Variants in SLCO1A2 observed in about 807,000 individuals in gnomAD.
SLCO1A2 encodes the protein solute carrier organic anion transporter family member 1A2.
SLCO1A2 carries 67 observed loss-of-function variants against 69.0 expected under a neutral mutation model. The ratio of observed to expected loss-of-function variants is 0.97; its 90% CI spans 0.80 to 1.19. The LOEUF (loss-of-function observed/expected upper bound fraction) is 1.19, where lower values mean the gene tolerates loss of function less well. SLCO1A2 is among the 50% of genes most tolerant of loss of function. The pLI is 0.00. For missense variants in SLCO1A2, 787 were observed against 793.7 expected, an observed-to-expected ratio of 0.99 and a Z score of 0.10; for synonymous variants, 260 against 265.9, an observed-to-expected ratio of 0.98 and a Z score of 0.22.
chr12:21,408,453 C>T (rs762687598), intron 1 of SLCO1A2, among the ~76,000 whole-genome samples: 24 of 152,178 alleles, frequency 1.6e-4, no homozygotes, highest in Non-Finnish European at 3.2e-4. Flanking sequence ...ATATTCAATG[C>T]GATTTCTTAA....
chr12:21,279,016 A>T (rs1382106594), intron 12 of SLCO1A2, among the ~76,000 whole-genome samples: 1 of 152,118 alleles, frequency 6.6e-6, no homozygotes, highest in East Asian at 1.9e-4. Flanking sequence ...ACATAAATAA[A>T]AAGAATCAAG....
intron 12 of SLCO1A2, among the ~76,000 whole-genome samples, chr12:21,291,165 T>C (rs4149003): frequency 0.084 from 12,826 of 152,156 alleles, 1,206 homozygotes; most frequent in East Asian, 0.35. Flanking sequence ...TAGATAATTC[T>C]AACTCTCATG....
intron 8 of SLCO1A2, among the ~76,000 whole-genome samples, chr12:21,298,379 T>C (rs1948073896): frequency 1.3e-5 from 2 of 152,180 alleles, no homozygotes; most frequent in African/African-American, 4.8e-5. Context: ...TAAATGTTCT[T>C]GGTCACACTG....
chr12:21,347,669 A>AAAGAAAGGAAGG (rs1555122066), intron 2 of SLCO1A2, among the ~76,000 whole-genome samples: 2 of 113,494 alleles, frequency 1.8e-5, no homozygotes, highest in East Asian at 4.6e-4. Context: ...AGAAAGAAAG[A>AAAGAAAGGAAGG]AAGGAAGGAA....
intron 7 of SLCO1A2, 115 bp downstream of exon 7, chr12:21,301,038 TAGAGTTTCTCACTTTTAA>T: frequency 2.0e-6 from 1 of 500,894 alleles, no homozygotes; most frequent in Admixed American, 4.0e-5. Flanking sequence ...ATTCCTCCAC[TAGAGTTTCTCACTTTTAA>T]AGTAGAGATC....
At chr12:21,302,149 C>A (rs1948791713) in intron 6 of SLCO1A2, among the ~76,000 whole-genome samples, 1 of 152,230 alleles carries the variant, frequency 6.6e-6, no homozygotes, top group Admixed American at 6.5e-5. Context: ...CTCAAATCCA[C>A]CCTGCTTTCT....
chr12:21,275,172 G>A, intron 13 of SLCO1A2, 188 bp downstream of exon 13: 1 of 713,994 alleles, frequency 1.4e-6, no homozygotes, highest in Non-Finnish European at 1.9e-6. Context: ...AGGGGGGAGG[G>A]ATAGCATTAG....
chr12:21,273,039 C>T (rs1169936724), intron 14 of SLCO1A2, among the ~76,000 whole-genome samples: 4 of 152,124 alleles, frequency 2.6e-5, no homozygotes, highest in Admixed American at 2.6e-4. Context: ...TTTTTTTACT[C>T]ACAACACAGC....
intron 12 of SLCO1A2, among the ~76,000 whole-genome samples, chr12:21,281,306 TG>T (rs1944743779): frequency 6.6e-6 from 1 of 151,862 alleles, no homozygotes; most frequent in African/African-American, 2.4e-5. Context: ...AAAAATTAGC[TG>T]GGTGTGGTGG....
At position 21,416,613 on chromosome 12, in the gene SLCO1A2, T is replaced by G. The variant is rs966185426; in HGVS notation, c.-312+1269A>C. ...TGTCTGCAGGCTGGTCTTGTTTAAC[T>G]TTTTTTTTTTAAGAGACAGGGTCTC... is the stretch of plus-strand genomic sequence containing the variant. On this transcript the variant is annotated intron_variant, in intron 1 of 4. Transcript: ENST00000413682. 1.2e-4 allele frequency among the ~76,000 whole-genome samples: 17 copies of G among 146,566 alleles called. No homozygotes were observed. In the East Asian group the frequency reaches 2.6e-3, roughly 22 times the overall value.
intron 9 of SLCO1A2, among the ~76,000 whole-genome samples, chr12:21,296,804 A>T (rs1395162163): frequency 6.6e-6 from 1 of 152,184 alleles, no homozygotes; most frequent in Admixed American, 6.5e-5. Flanking sequence ...CTGAGGGGGA[A>T]CCCCAGGTAT....
At chr12:21,412,109 G>A (rs113635809) in intron 1 of SLCO1A2, among the ~76,000 whole-genome samples, 7,188 of 152,226 alleles carry the variant, frequency 0.047, 186 homozygotes, top group African/African-American at 0.062. Flanking sequence ...GACTGGGCGC[G>A]GTGGCTTATG....
At chr12:21,328,328 T>C (rs1207895729) in intron 2 of SLCO1A2, among the ~76,000 whole-genome samples, 1 of 152,150 alleles carries the variant, frequency 6.6e-6, no homozygotes, top group Non-Finnish European at 1.5e-5. Flanking sequence ...TTTTTTTAAA[T>C]ACCAAATGAC....
chr12:21,418,566 G>A (rs1942025311), upstream of SLCO1A2, among the ~76,000 whole-genome samples: 1 of 152,146 alleles, frequency 6.6e-6, no homozygotes, highest in Non-Finnish European at 1.5e-5. Context: ...AAGAGAGAAT[G>A]AGAGCCAAGT....
At chr12:21,418,319 A>C (rs1206980087), upstream of SLCO1A2, among the ~76,000 whole-genome samples, 1 of 152,212 alleles carries the variant, frequency 6.6e-6, no homozygotes, top group African/African-American at 2.4e-5. Context: ...AAATCTTTTG[A>C]GAGAAGTAAA....
chr12:21,364,179 C>T (rs1939179296), intron 2 of SLCO1A2, among the ~76,000 whole-genome samples: 1 of 152,190 alleles, frequency 6.6e-6, no homozygotes. Context: ...TCCAGCAACA[C>T]ATCAAAAAGC....
chr12:21,325,215 C>T (rs1354338671), intron 2 of SLCO1A2, among the ~76,000 whole-genome samples: 5 of 152,122 alleles, frequency 3.3e-5, no homozygotes, highest in African/African-American at 1.2e-4. Context: ...AATTAACATT[C>T]CTCAAAGGGC....
At position 21,269,105 on chromosome 12, in the gene SLCO1A2, G is replaced by A. The variant is rs140638980; in HGVS notation, c.*443C>T. Reference sequence around the variant, plus strand: ...ATGTAGGCTTCTCTCACATGGAAGCGATAAACTTGAATAAAATATTTAAAT... The same window carrying A: ...ATGTAGGCTTCTCTCACATGGAAGCAATAAACTTGAATAAAATATTTAAAT... On this transcript the variant is annotated 3_prime_UTR_variant, in exon 15 of 15. Transcript: ENST00000683939. The A allele has an allele frequency of 2.7e-3, 410 of 153,172 alleles. 2 individuals are homozygous for A. The highest frequency in any genetic ancestry group is 9.0e-3 in the East Asian group (47 of 5,206). The allele number at this position is 153,172 out of a possible 1,614,324, so 9.5% of individuals were successfully genotyped here. A position where few individuals can be genotyped will look rare whatever the true frequency, so the allele number is the denominator to read the frequency against.
intron 1 of SLCO1A2, among the ~76,000 whole-genome samples, chr12:21,391,740 G>GA (rs931785400): frequency 0.013 from 1,761 of 133,536 alleles, 36 homozygotes; most frequent in African/African-American, 0.045. Context: ...ACATTCAAAA[G>GA]AAAAAAAAAA....
Sources: gnomAD v4.1 joint callset for allele counts (sites outside exome capture counted in the v4.1 genomes callset) on GRCh38, gnomAD v4.1.1 for gene constraint, MANE v1.5 for transcripts, NCBI Gene and HGNC (gene_info 2026-07-23, HGNC 2026-07-21) for gene names.